Variants in SLC28A3 observed in about 807,000 individuals in gnomAD.
SLC28A3 encodes concentrative Na(+)-nucleoside cotransporter 3.
A neutral mutation model predicts 84.2 loss-of-function variants in SLC28A3; 68 were observed. The ratio of observed to expected loss-of-function variants is 0.81; its 90% CI spans 0.66 to 0.99. SLC28A3 has a LOEUF of 0.99. Among genes scored for constraint, SLC28A3 ranks in the 50% least tolerant of loss-of-function variants. The pLI is 0.00. For synonymous variants in SLC28A3, 267 were observed against 303.6 expected, an observed-to-expected ratio of 0.88 and a Z score of 1.25; for missense variants, 712 against 841.5, an observed-to-expected ratio of 0.85 and a Z score of 1.90.
intron 2 of SLC28A3, among the ~76,000 whole-genome samples, chr9:84,312,508 C>T (rs1296921003): frequency 1.3e-5 from 2 of 150,912 alleles, no homozygotes; most frequent in African/African-American, 2.4e-5. Flanking sequence ...GAAAACTCCT[C>T]ACAAAATGAC....
intron 1 of SLC28A3, among the ~76,000 whole-genome samples, chr9:84,327,757 A>T (rs1389643404): frequency 2.0e-5 from 3 of 151,912 alleles, no homozygotes; most frequent in Admixed American, 2.0e-4. Flanking sequence ...ACCTCTACAA[A>T]AAATACAAAA....
intron 11 of SLC28A3, 123 bp downstream of exon 11, chr9:84,290,031 T>C (rs1296983174): frequency 1.5e-6 from 2 of 1,333,572 alleles, no homozygotes; most frequent in Non-Finnish European, 2.0e-6. Flanking sequence ...GACCAACTTT[T>C]GCCATATGGC....
intron 1 of SLC28A3, among the ~76,000 whole-genome samples, chr9:84,313,868 G>GAAAAAA (rs754131148): frequency 5.6e-5 from 7 of 125,482 alleles, no homozygotes; most frequent in Admixed American, 8.4e-5. Flanking sequence ...GACTCTACCT[G>GAAAAAA]AAAAAAAAAA....
At chr9:84,309,207 A>G (rs1825897434) in intron 3 of SLC28A3, among the ~76,000 whole-genome samples, 1 of 151,990 alleles carries the variant, frequency 6.6e-6, no homozygotes. Flanking sequence ...ACAATCTCTA[A>G]TAAATTATAA....
chr9:84,287,490 C>T (rs1354757023), intron 12 of SLC28A3, among the ~76,000 whole-genome samples: 2 of 152,094 alleles, frequency 1.3e-5, no homozygotes, highest in Non-Finnish European at 2.9e-5. Context: ...ACCAAGGCTC[C>T]ATAAACACTC....
intron 2 of SLC28A3, among the ~76,000 whole-genome samples, chr9:84,312,781 C>T (rs989070368): frequency 7.2e-5 from 11 of 152,042 alleles, no homozygotes; most frequent in African/African-American, 1.4e-4. Flanking sequence ...TCAAGTGATC[C>T]GCCCACCTCA....
chr9:84,340,017 C>G lies in SLC28A3; in HGVS notation c.60+557G>C, dbSNP rs1488879316. ...TGGAAATCCCCATCCCAGACCCAGTCAAAATAGCCTGGTGTTTCTGACAGG... is the reference window on the plus strand; with the variant it reads ...TGGAAATCCCCATCCCAGACCCAGTGAAAATAGCCTGGTGTTTCTGACAGG... On this transcript the variant is annotated intron_variant, in intron 1 of 17. Transcript: ENST00000376238. Among the ~76,000 whole-genome samples the G allele has an allele frequency of 2.6e-5, 4 of 152,196 alleles. 1 individual carries two copies. The South Asian group carries it at 6.2e-4, about 24-fold the overall frequency.
intron 1 of SLC28A3, among the ~76,000 whole-genome samples, chr9:84,338,348 G>A (rs560145609): frequency 6.6e-6 from 1 of 152,320 alleles, no homozygotes; most frequent in Non-Finnish European, 1.5e-5. Flanking sequence ...AATGTAGCAG[G>A]AGAGCTGAAT....
intron 8 of SLC28A3, among the ~76,000 whole-genome samples, chr9:84,296,496 G>C (rs1244785770): frequency 1.3e-5 from 2 of 152,184 alleles, no homozygotes; most frequent in Non-Finnish European, 2.9e-5. Context: ...CACAAAAAAA[G>C]AAAGCTGAAG....
chr9:84,290,288 A>G lies in SLC28A3; in HGVS notation c.1024-9T>C. ...AGCAGTGGAGACTCCGTCTGGAGAC[A>G]AAGAAGGGTGACCAGATTCCTTTTT... On this transcript the variant is annotated splice_polypyrimidine_tract_variant and intron_variant, in intron 10 of 17. Coordinates refer to ENST00000376238, the MANE Select transcript of SLC28A3 (RefSeq NM_001199633.2). 2 of 1,613,510 alleles carry G rather than the reference A, an allele frequency of 1.2e-6. No individual in the cohort carries two copies. Among genetic ancestry groups the G allele is most frequent in the Non-Finnish European group, 1.7e-6 (2 of 1,179,660 alleles).
At chr9:84,354,415 C>T in the SLC28A3 span, among the ~76,000 whole-genome samples, 1 of 152,222 alleles carries the variant, frequency 6.6e-6, no homozygotes, top group Non-Finnish European at 1.5e-5. Context: ...ACTTCTTGTG[C>T]TAGAAACAAT....
chr9:84,279,063 A>T (rs1043762177), intron 17 of SLC28A3, among the ~76,000 whole-genome samples: 5 of 151,946 alleles, frequency 3.3e-5, no homozygotes, highest in African/African-American at 1.2e-4. Context: ...GAATCACTGC[A>T]TAAGTTCTTA....
chr9:84,317,316 G>T (rs1278293509), intron 1 of SLC28A3, among the ~76,000 whole-genome samples: 1 of 152,162 alleles, frequency 6.6e-6, no homozygotes, highest in Non-Finnish European at 1.5e-5. Context: ...AAAGACAAAG[G>T]TATAAATTAT....
Position 84,324,733 on chromosome 9 carries a change from C to T in SLC28A3, c.61-11279G>A, listed in dbSNP as rs566435891. 5.3e-5 allele frequency among the ~76,000 whole-genome samples: 8 copies of T among 152,230 alleles called. No individual in the cohort carries two copies. In the South Asian group the frequency reaches 1.2e-3, roughly 24 times the overall value. On this transcript the variant is annotated intron_variant, in intron 1 of 17. Coordinates refer to ENST00000376238, the MANE Select transcript of SLC28A3 (RefSeq NM_001199633.2). ...GGGAAACTGACAGGGGAATAGCACC[C>T]GTCAGTGAATGACCGTACATCTTCA...
chr9:84,280,174 CTTTT>C (rs35540005), intron 15 of SLC28A3, 101 bp from the exon 16 acceptor site: 37 of 700,252 alleles, frequency 5.3e-5, no homozygotes, highest in Non-Finnish European at 7.7e-5. Context: ...GGTCAGCTGA[CTTTT>C]TTTTTTTTTT....
chr9:84,333,883 A>ACC (rs1263884702), intron 1 of SLC28A3, among the ~76,000 whole-genome samples: 1 of 152,150 alleles, frequency 6.6e-6, no homozygotes, highest in Admixed American at 6.5e-5. Flanking sequence ...AGCTCCAAAA[A>ACC]CCCCAAACTT....
intron 1 of SLC28A3, among the ~76,000 whole-genome samples, chr9:84,327,729 C>A (rs369211233): frequency 1.3e-5 from 2 of 151,828 alleles, no homozygotes; most frequent in African/African-American, 4.8e-5. Context: ...AAGTTTGAGA[C>A]CAGCCTGGTG....
At chr9:84,324,575 C>T (rs188703848) in intron 1 of SLC28A3, among the ~76,000 whole-genome samples, 83 of 151,228 alleles carry the variant, frequency 5.5e-4, no homozygotes, top group Non-Finnish European at 8.8e-4. Flanking sequence ...GCTTCAGAGG[C>T]GGAGGTTGCA....
intron 5 of SLC28A3, among the ~76,000 whole-genome samples, chr9:84,301,369 A>AAAAAAAAAAAAAAAAAAAAAG (rs753889714): frequency 4.2e-4 from 55 of 132,402 alleles, no homozygotes; most frequent in Admixed American, 5.9e-4. Flanking sequence ...AAAAAAAAAA[A>AAAAAAAAAAAAAAAAAAAAAG]AAAAAGAAAA....
Sources: gnomAD v4.1 joint callset for allele counts (sites outside exome capture counted in the v4.1 genomes callset) on GRCh38, gnomAD v4.1.1 for gene constraint, MANE v1.5 for transcripts, NCBI Gene and HGNC (gene_info 2026-07-23, HGNC 2026-07-21) for gene names.